LPCAT2: variants seen among roughly 807,000 people sequenced by gnomAD.
The protein encoded by LPCAT2 is 1-AGP acyltransferase 11.
Under a neutral mutation model 64.7 loss-of-function variants are expected in LPCAT2, and 58 were observed. That is an observed-to-expected ratio of 0.90 (90% CI 0.73 to 1.12). The LOEUF (loss-of-function observed/expected upper bound fraction) is 1.12. LPCAT2 is among the 50% of genes most tolerant of loss of function. The pLI is 0.00. For missense variants in LPCAT2, 579 were observed against 669.8 expected (o/e 0.86, Z 1.50); for synonymous variants, 252 against 245.3 (o/e 1.03, Z -0.26).
At position 55,545,908 on chromosome 16, in the gene LPCAT2, C is replaced by T. The variant is rs1181993887; in HGVS notation, c.935+91C>T. ...TCATTTTAAGGATTTTTTTTTGACCCCTGAAGGCCTCGTTCCCCAATTCAT... is the reference window on the plus strand; with the variant it reads ...TCATTTTAAGGATTTTTTTTTGACCTCTGAAGGCCTCGTTCCCCAATTCAT... On this transcript the variant is annotated intron_variant, in intron 9 of 13. Transcript: ENST00000262134. 7 of 878,596 alleles carry T rather than the reference C, an allele frequency of 8.0e-6. No homozygotes were observed. In the East Asian group the frequency reaches 1.3e-4, roughly 16 times the overall value. 54.4% of individuals were successfully genotyped at this position (878,596 alleles called of 1,614,324 possible).
chr16:55,512,145 A>G (rs1370709427), intron 1 of LPCAT2, among the ~76,000 whole-genome samples: 2 of 152,178 alleles, frequency 1.3e-5, no homozygotes, highest in African/African-American at 2.4e-5. Flanking sequence ...TGAAACTCCT[A>G]CTCATCTTAC....
rs866319837 is a variant in LPCAT2 at position 55,511,796 on chromosome 16, G to A, written c.171+2444G>A. On this transcript the variant is annotated intron_variant, in intron 1 of 13. Transcript: ENST00000262134. ...AATTAAAATCCATATGGGTTGCTCAGTGTAGACATGAGTGACTCTTATGCT... is the reference window on the plus strand; with the variant it reads ...AATTAAAATCCATATGGGTTGCTCAATGTAGACATGAGTGACTCTTATGCT... Among the ~76,000 whole-genome samples, 14 of 152,308 alleles carry A rather than the reference G, an allele frequency of 9.2e-5. No individual in the cohort carries two copies. The Middle Eastern group carries it at 0.01, about 111-fold the overall frequency.
rs960287072 is a variant in LPCAT2 at position 55,538,775 on chromosome 16, G to A, written c.852+1143G>A. 3.3e-5 allele frequency: 5 copies of A among 150,698 alleles called. No individual in the cohort carries two copies. The South Asian group carries it at 6.3e-4, about 19-fold the overall frequency. The allele number at this position is 150,698 out of a possible 1,614,324, so 9.3% of individuals were successfully genotyped here. ...ACAAAAACTAATTTAATAACATTTG[G>A]AAGTATCAAGGGAAACAAAATGAAT... On this transcript the variant is annotated intron_variant, in intron 8 of 13. Transcript: ENST00000262134.
intron 13 of LPCAT2, among the ~76,000 whole-genome samples, chr16:55,581,503 G>C (rs574649067): frequency 6.6e-6 from 1 of 151,904 alleles, no homozygotes; most frequent in Non-Finnish European, 1.5e-5. Context: ...TTTGAGATAC[G>C]GTCTCACTCT....
intron 8 of LPCAT2, chr16:55,539,951 T>C (rs1374655649): frequency 6.6e-6 from 1 of 152,176 alleles, no homozygotes; most frequent in Non-Finnish European, 1.5e-5. Flanking sequence ...TTTGAATGAA[T>C]TATCAAAGTG....
rs200629169 is a variant in LPCAT2 at position 55,579,256 on chromosome 16, A to T, written c.1450+12A>T. On this transcript the variant is annotated intron_variant, in intron 13 of 13. Coordinates refer to ENST00000262134, the MANE Select transcript of LPCAT2 (RefSeq NM_017839.5). ...CTCAATTTCCTATGGTGAGTAGGCA[A>T]TCTGGCCTCCTGACTTAGTTTACAA... 9.7e-5 allele frequency: 157 copies of T among 1,610,474 alleles called. No homozygotes were observed. In the African/African-American group the frequency reaches 2.0e-3, roughly 21 times the overall value.
At chr16:55,560,784 A>G (rs1567403221) in intron 11 of LPCAT2, among the ~76,000 whole-genome samples, 1 of 152,060 alleles carries the variant, frequency 6.6e-6, no homozygotes, top group Non-Finnish European at 1.5e-5. Context: ...CTTTTTTACT[A>G]CAAACTGTCA....
intron 8 of LPCAT2, chr16:55,541,771 G>T (rs1431743211): frequency 1.1e-6 from 1 of 873,622 alleles, no homozygotes; most frequent in African/African-American, 1.8e-5. Context: ...GAGTAATAAA[G>T]TTACTTATGT....
chr16:55,545,122 AT>A (rs1963438840), intron 8 of LPCAT2, among the ~76,000 whole-genome samples: 1 of 152,214 alleles, frequency 6.6e-6, no homozygotes, highest in African/African-American at 2.4e-5. Context: ...GAACAATACA[AT>A]TGAGGCATCA....
intron 11 of LPCAT2, among the ~76,000 whole-genome samples, chr16:55,572,874 T>A (rs1321843810): frequency 6.6e-6 from 1 of 152,112 alleles, no homozygotes; most frequent in East Asian, 1.9e-4. Flanking sequence ...ACCGTACATT[T>A]AAAATGGATG....
At chr16:55,540,398 G>C (rs1963381503) in intron 8 of LPCAT2, 2 of 152,090 alleles carry the variant, frequency 1.3e-5, no homozygotes. Flanking sequence ...TTAACCAGCT[G>C]TTTCACAAGT....
chr16:55,545,742 C>T lies in LPCAT2; in HGVS notation c.860C>T (p.Pro287Leu). 1 of 1,609,492 alleles carries T rather than the reference C, an allele frequency of 6.2e-7. No homozygotes were observed. The highest frequency in any genetic ancestry group is 8.5e-7 in the Non-Finnish European group (1 of 1,177,486). Residue 287 changes from proline to leucine, a missense_variant, in exon 9 of 14, where the codon CCA becomes CTA. Pro to Leu is a moderately conservative substitution (Grantham distance 98, BLOSUM62 -3). Coordinates refer to ENST00000262134, the MANE Select transcript of LPCAT2 (RefSeq NM_017839.5). ...LFTKVEVEFM[P>L]VQVPNDEEKN... ...GGTATATTTGTCTTTCAGTTTATGC[C>T]AGTTCAAGTACCAAATGATGAAGAA... is the stretch of plus-strand genomic sequence containing the variant.
At chr16:55,569,356 G>C (rs1236478249) in intron 11 of LPCAT2, among the ~76,000 whole-genome samples, 2 of 152,178 alleles carry the variant, frequency 1.3e-5, no homozygotes, top group Non-Finnish European at 2.9e-5. Flanking sequence ...TAAGAAGGAG[G>C]CTGCTGCCAG....
At chr16:55,531,822 A>G in intron 4 of LPCAT2, 92 bp from the exon 5 acceptor site, 1 of 789,026 alleles carries the variant, frequency 1.3e-6, no homozygotes, top group East Asian at 2.5e-5. Context: ...TTTTTTAAGC[A>G]TTGGCAGCTG....
intron 7 of LPCAT2, among the ~76,000 whole-genome samples, chr16:55,536,235 C>G (rs1347056799): frequency 2.0e-5 from 3 of 152,100 alleles, no homozygotes; most frequent in Non-Finnish European, 4.4e-5. Context: ...AAACGAATAT[C>G]CCAAGGAAAA....
chr16:55,564,568 A>T (rs767847020), intron 11 of LPCAT2, among the ~76,000 whole-genome samples: 1 of 152,014 alleles, frequency 6.6e-6, no homozygotes, highest in Non-Finnish European at 1.5e-5. Context: ...GATTTTCAGC[A>T]AGAATGCCAA....
intron 1 of LPCAT2, among the ~76,000 whole-genome samples, chr16:55,517,988 A>G (rs911632323): frequency 4.6e-5 from 7 of 152,212 alleles, no homozygotes; most frequent in African/African-American, 1.7e-4. Context: ...AAAGACATCT[A>G]TATTGGAAAG....
At chr16:55,553,713 T>C (rs1178133262) in intron 11 of LPCAT2, among the ~76,000 whole-genome samples, 1 of 152,242 alleles carries the variant, frequency 6.6e-6, no homozygotes, top group Admixed American at 6.5e-5. Flanking sequence ...TGGTGAATCT[T>C]TTCCAAAAGG....
At position 55,551,058 on chromosome 16, in the gene LPCAT2, C is replaced by G; in HGVS notation, c.1171C>G (p.Pro391Ala). ...IEEFAKYLKL[P>A]VSDVLRQLFA... Reference sequence around the variant, plus strand: ...AGAATTCGCCAAGTATTTAAAGTTGCCTGTTTCAGATGTCTTGAGACAACT... The same window carrying G: ...AGAATTCGCCAAGTATTTAAAGTTGGCTGTTTCAGATGTCTTGAGACAACT... Residue 391 changes from proline (P) to alanine (A), a missense_variant, in exon 11 of 14, where the codon CCT becomes GCT. Physicochemically the swap from Pro to Ala is conservative, Grantham distance 27 (BLOSUM62 -1). Coordinates refer to ENST00000262134, the MANE Select transcript of LPCAT2 (RefSeq NM_017839.5). 6.2e-7 allele frequency: 1 copy of G among 1,612,812 alleles called. No individual in the cohort carries two copies.
Sources: gnomAD v4.1 joint callset for allele counts (sites outside exome capture counted in the v4.1 genomes callset) on GRCh38, gnomAD v4.1.1 for gene constraint, MANE v1.5 for transcripts, NCBI Gene and HGNC (gene_info 2026-07-23, HGNC 2026-07-21) for gene names.